Variants in TRMT9B observed in about 807,000 individuals in gnomAD.
TRMT9B encodes tRNA methyltransferase 9B (putative).
TRMT9B carries 16 observed loss-of-function variants against 11.5 expected under a neutral mutation model. That is an observed-to-expected ratio of 1.39 (90% CI 0.94 to 2.11). The LOEUF is 2.11. Ranked by LOEUF, TRMT9B falls within the 30% of genes most tolerant of loss-of-function variation. The probability of loss-of-function intolerance (pLI) is 0.00; values close to 1 mark genes in which losing one functional copy is unlikely to be tolerated. For missense variants in TRMT9B, 941 were observed against 553.8 expected (o/e 1.70, Z -7.02); for synonymous variants, 274 against 192.4 (o/e 1.42, Z -3.51).
At chr8:12,948,753 G>T (rs1175522529) in intron 1 of TRMT9B, among the ~76,000 whole-genome samples, 1 of 152,080 alleles carries the variant, frequency 6.6e-6, no homozygotes, top group Non-Finnish European at 1.5e-5. Flanking sequence ...GAGGTCAGGA[G>T]ATCGAGACCA....
chr8:12,981,604 A>ATTTAT (rs1159023113), intron 1 of TRMT9B, among the ~76,000 whole-genome samples: 1 of 150,540 alleles, frequency 6.6e-6, no homozygotes. Flanking sequence ...TTATTTATTT[A>ATTTAT]TTTTTTTTTG....
At chr8:13,019,747 ACT>A (rs1170174662) in intron 4 of TRMT9B, among the ~76,000 whole-genome samples, 1 of 152,040 alleles carries the variant, frequency 6.6e-6, no homozygotes, top group Non-Finnish European at 1.5e-5. Flanking sequence ...ATATTAAAGG[ACT>A]CTTCTTTTCG....
intron 1 of TRMT9B, among the ~76,000 whole-genome samples, chr8:12,987,328 G>A (rs542183288): frequency 6.6e-5 from 10 of 152,266 alleles, no homozygotes; most frequent in Non-Finnish European, 1.5e-4. Context: ...AATTAATACA[G>A]ACACTTCTCC....
At chr8:13,016,227 A>T (rs1175810706) in intron 4 of TRMT9B, among the ~76,000 whole-genome samples, 1 of 115,154 alleles carries the variant, frequency 8.7e-6, no homozygotes, top group African/African-American at 3.4e-5. Flanking sequence ...ATAAATGTGA[A>T]ATATATATTA....
intron 2 of TRMT9B, among the ~76,000 whole-genome samples, chr8:13,002,807 G>A (rs891495692): frequency 8.5e-5 from 13 of 152,106 alleles, no homozygotes; most frequent in South Asian, 2.1e-4. Flanking sequence ...GGAAGACACC[G>A]TCTTACCCAA....
intron 1 of TRMT9B, among the ~76,000 whole-genome samples, chr8:12,955,889 C>T (rs1801240049): frequency 6.6e-6 from 1 of 152,268 alleles, no homozygotes; most frequent in East Asian, 1.9e-4. Flanking sequence ...GTCATTGCCA[C>T]AGCCTGGGGG....
rs757522197 is a variant in TRMT9B, at chr8:13,021,124, C to T, written c.445C>T (p.Arg149Cys). The change falls in exon 5 of 5, where the codon CGT becomes TGT. Residue 149 changes from arginine (R) to cysteine (C), a missense_variant. Coordinates refer to ENST00000524591, the MANE Select transcript of TRMT9B (RefSeq NM_020844.3). The stretch of plus-strand genomic sequence containing the variant: ...CGTTTGGGCAATGGAACAAAAGAAC[C>T]GTCACTTTGAGAAGCAAGACGTGCT... ...IYVWAMEQKN[R>C]HFEKQDVLVP... The T allele has an allele frequency of 3.7e-5, 60 of 1,612,914 alleles. 1 individual carries two copies. In the South Asian group the frequency reaches 5.6e-4, roughly 15 times the overall value.
rs1194116812 is a variant in TRMT9B, at chr8:13,023,415, A to C, written c.*1371A>C. On this transcript the variant is annotated 3_prime_UTR_variant, in exon 5 of 5. Transcript: ENST00000524591. ...GTGACTACATTTTATTAGTTATATT[A>C]GGAATTTAGGTAGAATCAACTTCTA... 6.0e-6 allele frequency: 1 copy of C among 167,116 alleles called. No homozygotes were observed. Among genetic ancestry groups the C allele is most frequent in the East Asian group, 1.9e-4 (1 of 5,204 alleles). The allele number at this position is 167,116 out of a possible 1,614,324, so 10.4% of individuals were successfully genotyped here. A position where few individuals can be genotyped will look rare whatever the true frequency, so the allele number is the denominator to read the frequency against.
intron 2 of TRMT9B, among the ~76,000 whole-genome samples, chr8:12,992,874 A>G (rs547426970): frequency 1.3e-5 from 2 of 152,302 alleles, no homozygotes; most frequent in South Asian, 4.1e-4. Context: ...ATCTCCAAAA[A>G]GTAAAAACTA....
At chr8:12,954,414 A>C (rs1319664676) in intron 1 of TRMT9B, among the ~76,000 whole-genome samples, 2 of 151,920 alleles carry the variant, frequency 1.3e-5, no homozygotes, top group Non-Finnish European at 2.9e-5. Context: ...ATTTGGCACT[A>C]TACAGGCTCA....
chr8:12,972,299 G>T (rs1326755597), intron 1 of TRMT9B, among the ~76,000 whole-genome samples: 1 of 152,184 alleles, frequency 6.6e-6, no homozygotes, highest in Middle Eastern at 3.2e-3. Context: ...CCGTGGAGGC[G>T]GGGCTGGCCG....
chr8:12,991,262 T>C (rs1172409542), intron 2 of TRMT9B, among the ~76,000 whole-genome samples: 1 of 152,230 alleles, frequency 6.6e-6, no homozygotes, highest in Non-Finnish European at 1.5e-5. Flanking sequence ...GAAAGCAAAA[T>C]ACTTTTGTAG....
intron 1 of TRMT9B, among the ~76,000 whole-genome samples, chr8:12,967,367 T>C (rs943953624): frequency 6.6e-6 from 1 of 152,224 alleles, no homozygotes; most frequent in African/African-American, 2.4e-5. Context: ...AGAAAAATCC[T>C]TTTCTGAACT....
chr8:13,020,119 C>A (rs933990794), intron 4 of TRMT9B, among the ~76,000 whole-genome samples: 1 of 152,160 alleles, frequency 6.6e-6, no homozygotes, highest in Non-Finnish European at 1.5e-5. Flanking sequence ...ATTATTTTGA[C>A]CCTTAGAGCA....
intron 1 of TRMT9B, among the ~76,000 whole-genome samples, chr8:12,955,445 C>T (rs2946502): frequency 0.31 from 46,360 of 151,892 alleles, 7,602 homozygotes; most frequent in East Asian, 0.65. Flanking sequence ...CTTCTTTTCT[C>T]TCTAGGGGTC....
intron 1 of TRMT9B, among the ~76,000 whole-genome samples, chr8:12,980,962 T>G (rs1024642427): frequency 6.6e-6 from 1 of 152,266 alleles, no homozygotes; most frequent in Non-Finnish European, 1.5e-5. Context: ...CTTTGATCAC[T>G]GCAAGAGTTT....
At chr8:12,988,078 C>T (rs1436255885) in intron 1 of TRMT9B, among the ~76,000 whole-genome samples, 1 of 152,152 alleles carries the variant, frequency 6.6e-6, no homozygotes, top group Non-Finnish European at 1.5e-5. Context: ...TGTTGTTATT[C>T]ATTTATTGGC....
At chr8:12,989,157 C>T (rs1342490313) in intron 1 of TRMT9B, among the ~76,000 whole-genome samples, 5 of 152,098 alleles carry the variant, frequency 3.3e-5, no homozygotes, top group Middle Eastern at 3.2e-3. Context: ...AAAATACACG[C>T]ATGGCTTATT....
rs138920091 is a variant in TRMT9B, at chr8:12,967,266, G to A, written c.-200+21300G>A. 4.6e-5 allele frequency among the ~76,000 whole-genome samples: 7 copies of A among 152,292 alleles called. No homozygotes were observed. In the East Asian group the frequency reaches 1.4e-3, roughly 29 times the overall value. ...TACCAGTGGGTTGAACAAAGGCATA[G>A]GTAAAAAGTCATGAAAGGTTTTAGG... On this transcript the variant is annotated intron_variant, in intron 1 of 4. Coordinates refer to ENST00000524591, the MANE Select transcript of TRMT9B (RefSeq NM_020844.3).
Sources: gnomAD v4.1 joint callset for allele counts (sites outside exome capture counted in the v4.1 genomes callset) on GRCh38, gnomAD v4.1.1 for gene constraint, MANE v1.5 for transcripts, NCBI Gene and HGNC (gene_info 2026-07-23, HGNC 2026-07-21) for gene names.